Variants in NCOA2 observed in about 807,000 individuals in gnomAD.
NCOA2 encodes the protein nuclear receptor coactivator 2, also known as class E basic helix-loop-helix protein 75.
Under a neutral mutation model 145.1 loss-of-function variants are expected in NCOA2, and 21 were observed. That is an observed-to-expected ratio of 0.14 (90% CI 0.10 to 0.21). NCOA2 has a LOEUF of 0.21. NCOA2 is among the 10% of genes least tolerant of loss of function. The probability of loss-of-function intolerance (pLI) is 1.00; values close to 1 mark genes in which losing one functional copy is unlikely to be tolerated. For missense variants in NCOA2, 1,472 were observed against 1,837.6 expected, an observed-to-expected ratio of 0.80 and a Z score of 3.64; for synonymous variants, 619 against 637.5, an observed-to-expected ratio of 0.97 and a Z score of 0.44.
At chr8:70,200,088 A>G (rs529321550) in intron 4 of NCOA2, among the ~76,000 whole-genome samples, 15 of 152,310 alleles carry the variant, frequency 9.8e-5, no homozygotes, top group African/African-American at 3.4e-4. Context: ...ATATTATATA[A>G]TAAGTAATCT....
chr8:70,132,464 A>C (rs7817925), intron 15 of NCOA2, among the ~76,000 whole-genome samples: 1,828 of 152,348 alleles, frequency 0.012, 50 homozygotes, highest in African/African-American at 0.042. Context: ...AGAGAACTAG[A>C]GGCATCAGAG....
At chr8:70,400,340 A>C (rs1023444076) in intron 1 of NCOA2, among the ~76,000 whole-genome samples, 8 of 152,210 alleles carry the variant, frequency 5.3e-5, no homozygotes, top group Non-Finnish European at 1.2e-4. Context: ...ATGGAATCAC[A>C]GCTGACGATG....
At chr8:70,307,912 G>C (rs1402340919) in intron 1 of NCOA2, among the ~76,000 whole-genome samples, 2 of 152,086 alleles carry the variant, frequency 1.3e-5, no homozygotes, top group Non-Finnish European at 2.9e-5. Flanking sequence ...AAAATCTTCT[G>C]TATTGAAAAG....
At chr8:70,222,207 G>A (rs892376391) in intron 2 of NCOA2, among the ~76,000 whole-genome samples, 9 of 152,260 alleles carry the variant, frequency 5.9e-5, no homozygotes, top group African/African-American at 1.9e-4. Flanking sequence ...TTTCAAATAA[G>A]TTCAACTTTA....
chr8:70,402,799 C>T (rs1328084054), intron 1 of NCOA2, among the ~76,000 whole-genome samples: 1 of 151,246 alleles, frequency 6.6e-6, no homozygotes, highest in Non-Finnish European at 1.5e-5. Context: ...GGCCCCAGCG[C>T]GCCTCCTGCA....
At chr8:70,295,121 C>T (rs16936886) in intron 2 of NCOA2, among the ~76,000 whole-genome samples, 2,160 of 152,142 alleles carry the variant, frequency 0.014, 38 homozygotes, top group African/African-American at 0.048. Context: ...TCCTGAAGCA[C>T]AAAGAAAACT....
At chr8:70,419,986 C>A in the NCOA2 span, among the ~76,000 whole-genome samples, 1 of 152,160 alleles carries the variant, frequency 6.6e-6, no homozygotes, top group African/African-American at 2.4e-5. Context: ...TGTGCACATG[C>A]CTCTGGCAAG....
At chr8:70,308,844 A>G (rs1828089265) in intron 1 of NCOA2, among the ~76,000 whole-genome samples, 1 of 152,130 alleles carries the variant, frequency 6.6e-6, no homozygotes. Context: ...GACAACAAAA[A>G]CTCTGAACAG....
chr8:70,442,130 A>AGAAAGAAAGAAAGAAG, the NCOA2 span, among the ~76,000 whole-genome samples: 4 of 124,682 alleles, frequency 3.2e-5, no homozygotes, highest in African/African-American at 1.7e-4. Context: ...AAAGAAAGAA[A>AGAAAGAAAGAAAGAAG]GAAAGAAAGA....
intron 1 of NCOA2, among the ~76,000 whole-genome samples, chr8:70,316,332 C>T (rs1805584361): frequency 6.6e-6 from 1 of 152,166 alleles, no homozygotes; most frequent in African/African-American, 2.4e-5. Context: ...TATGTTTTTA[C>T]CAAGTCCTGG....
At chr8:70,182,652 G>C (rs773798210) in intron 4 of NCOA2, among the ~76,000 whole-genome samples, 1 of 152,124 alleles carries the variant, frequency 6.6e-6, no homozygotes, top group African/African-American at 2.4e-5. Context: ...CTATGTAATA[G>C]CCCACTTCAT....
the NCOA2 span, among the ~76,000 whole-genome samples, chr8:70,444,323 G>C: frequency 6.6e-6 from 1 of 152,208 alleles, no homozygotes; most frequent in Non-Finnish European, 1.5e-5. Flanking sequence ...CAGATTAGTA[G>C]TTGCCAGAGG....
At chr8:70,281,457 G>C (rs1825875977) in intron 2 of NCOA2, among the ~76,000 whole-genome samples, 1 of 151,874 alleles carries the variant, frequency 6.6e-6, no homozygotes, top group African/African-American at 2.4e-5. Flanking sequence ...TCCACTTAGG[G>C]AGCATAAGCA....
upstream of NCOA2, among the ~76,000 whole-genome samples, chr8:70,405,802 T>C (rs1439084208): frequency 6.6e-6 from 1 of 152,218 alleles, no homozygotes; most frequent in Non-Finnish European, 1.5e-5. Context: ...CTACCCATGA[T>C]ACCTCTGCAA....
chr8:70,454,551 C>T, the NCOA2 span, among the ~76,000 whole-genome samples: 1 of 152,202 alleles, frequency 6.6e-6, no homozygotes. Flanking sequence ...CCTTGGAACA[C>T]AAGCAGACTC....
At chr8:70,326,562 G>C (rs548698071) in intron 1 of NCOA2, among the ~76,000 whole-genome samples, 1 of 151,922 alleles carries the variant, frequency 6.6e-6, no homozygotes, top group Non-Finnish European at 1.5e-5. Context: ...ATAAAACAAG[G>C]GGGGTTCACA....
chr8:70,215,590 C>G (rs1586134017), intron 3 of NCOA2, among the ~76,000 whole-genome samples: 2 of 152,188 alleles, frequency 1.3e-5, no homozygotes, highest in South Asian at 4.1e-4. Context: ...TTCTCCTGCT[C>G]TGCCTCTCTT....
chr8:70,339,595 T>C (rs1807937887), intron 1 of NCOA2, among the ~76,000 whole-genome samples: 1 of 152,100 alleles, frequency 6.6e-6, no homozygotes, highest in Non-Finnish European at 1.5e-5. Flanking sequence ...CTTTTAAAAT[T>C]CATATGGAAC....
chr8:70,218,935 A>G (rs1300392213), intron 2 of NCOA2, among the ~76,000 whole-genome samples: 1 of 152,196 alleles, frequency 6.6e-6, no homozygotes, highest in Non-Finnish European at 1.5e-5. Context: ...ACTAAAATGT[A>G]TAGTATTATC....
Sources: gnomAD v4.1 joint callset for allele counts (sites outside exome capture counted in the v4.1 genomes callset) on GRCh38, gnomAD v4.1.1 for gene constraint, MANE v1.5 for transcripts, NCBI Gene and HGNC (gene_info 2026-07-23, HGNC 2026-07-21) for gene names.